KIRREL3: variants seen among roughly 807,000 people sequenced by gnomAD.
The protein encoded by KIRREL3 is kin of IRRE-like protein 3.
Under a neutral mutation model 89.7 loss-of-function variants are expected in KIRREL3, and 36 were observed. The ratio of observed to expected loss-of-function variants is 0.40; its 90% CI spans 0.31 to 0.53. The LOEUF is 0.53. KIRREL3 is among the 20% of genes least tolerant of loss of function. The pLI is 0.49. For missense variants in KIRREL3, 864 were observed against 1,056.6 expected, an observed-to-expected ratio of 0.82 and a Z score of 2.53; for synonymous variants, 445 against 441.4, an observed-to-expected ratio of 1.01 and a Z score of -0.10.
At position 126,530,774 on chromosome 11, in the gene KIRREL3, TC is replaced by T. The variant is rs1958917947; in HGVS notation, c.134-4088del. Among the ~76,000 whole-genome samples the T allele has an allele frequency of 6.6e-6, 1 of 152,106 alleles. No individual in the cohort carries two copies. The highest frequency in any genetic ancestry group is 2.1e-4 in the South Asian group (1 of 4,822). On this transcript the variant is annotated intron_variant, in intron 2 of 16. Coordinates refer to ENST00000525144, the MANE Select transcript of KIRREL3 (RefSeq NM_032531.4). The surrounding 1 kb of genome is among the most constrained non-coding windows in gnomAD (Gnocchi z 5.8). ...CGCTTCGCATTTTCCCTGATGATGTTCCCCTGGTGTGAAGCCTTGGCGGCCG... is the reference window on the plus strand; with the variant it reads ...CGCTTCGCATTTTCCCTGATGATGTTCCCTGGTGTGAAGCCTTGGCGGCCG...
intron 1 of KIRREL3, among the ~76,000 whole-genome samples, chr11:126,871,515 C>T (rs1395642063): frequency 6.6e-6 from 1 of 152,184 alleles, no homozygotes; most frequent in Non-Finnish European, 1.5e-5. Flanking sequence ...TATCCAAGAG[C>T]AGGTATGAGG....
chr11:126,670,655 C>T (rs1945896647), intron 1 of KIRREL3, among the ~76,000 whole-genome samples: 2 of 152,276 alleles, frequency 1.3e-5, no homozygotes, highest in Non-Finnish European at 2.9e-5. Flanking sequence ...AAGTTGGAAT[C>T]GTGGTAAGCT....
chr11:126,914,044 G>A (rs1462777572), intron 1 of KIRREL3, among the ~76,000 whole-genome samples: 1 of 152,182 alleles, frequency 6.6e-6, no homozygotes, highest in East Asian at 1.9e-4. Context: ...TTGGCTTTGT[G>A]ACTTTCTTTG....
rs1389642659 is a variant in KIRREL3, at chr11:126,677,465, C to T, written c.56-114553G>A. On this transcript the variant is annotated intron_variant, in intron 1 of 16. Transcript: ENST00000525144. This position sits in a 1 kb window ranked among gnomAD's most constrained non-coding sequence, Gnocchi z 5.1. The stretch of plus-strand genomic sequence containing the variant: ...ATCTATTATCTCCTCTAATTCTCAC[C>T]ACCTCTTTGGAAAGCCAGCCTTATC... 6.6e-6 allele frequency among the ~76,000 whole-genome samples: 1 copy of T among 152,110 alleles called. No individual in the cohort carries two copies. The highest frequency in any genetic ancestry group is 1.5e-5 in the Non-Finnish European group (1 of 68,030).
intron 1 of KIRREL3, among the ~76,000 whole-genome samples, chr11:126,646,909 G>A (rs1165281320): frequency 6.6e-6 from 1 of 152,046 alleles, no homozygotes; most frequent in East Asian, 1.9e-4. Flanking sequence ...TTCCCCACAA[G>A]CCAATGTGGT....
intron 1 of KIRREL3, among the ~76,000 whole-genome samples, chr11:126,926,692 C>A (rs1345289732): frequency 6.6e-6 from 1 of 152,222 alleles, no homozygotes; most frequent in African/African-American, 2.4e-5. Context: ...CTCCTATGAG[C>A]ATTTCCCCCC....
At position 126,643,488 on chromosome 11, in the gene KIRREL3, G is replaced by T. The variant is rs567059526; in HGVS notation, c.56-80576C>A. Among the ~76,000 whole-genome samples the T allele has an allele frequency of 1.3e-5, 2 of 152,120 alleles. No homozygotes were observed. The highest frequency in any genetic ancestry group is 4.8e-5 in the African/African-American group (2 of 41,412). ...TGAGTATTGAAGTGGAAAAGAGGAG[G>T]TCATGGTTCAGGGAAAGGTGACTAG... On this transcript the variant is annotated intron_variant, in intron 1 of 16. Coordinates refer to ENST00000525144, the MANE Select transcript of KIRREL3 (RefSeq NM_032531.4). The surrounding 1 kb of genome is among the most constrained non-coding windows in gnomAD (Gnocchi z 4.5).
chr11:126,657,500 C>A (rs940264493), intron 1 of KIRREL3, among the ~76,000 whole-genome samples: 2 of 152,158 alleles, frequency 1.3e-5, no homozygotes, highest in African/African-American at 4.8e-5. Flanking sequence ...CTGGAGGAAC[C>A]AAGGCCAGAG....
At chr11:126,759,072 A>G (rs1173214016) in intron 1 of KIRREL3, among the ~76,000 whole-genome samples, 3 of 152,198 alleles carry the variant, frequency 2.0e-5, no homozygotes, top group African/African-American at 7.2e-5. Context: ...CCTTCTGCAT[A>G]CAGGAAGAAA....
intron 1 of KIRREL3, chr11:126,944,540 C>G (rs1353189155): frequency 1.3e-5 from 2 of 152,234 alleles, no homozygotes; most frequent in Non-Finnish European, 2.9e-5. Flanking sequence ...AGAAGAGGCA[C>G]AGCTCAACGC....
chr11:126,799,326 ATC>A (rs201337293), intron 1 of KIRREL3, among the ~76,000 whole-genome samples: 2 of 88,076 alleles, frequency 2.3e-5, no homozygotes, highest in Non-Finnish European at 4.5e-5. Flanking sequence ...ACCTATGTGT[ATC>A]TGTGTGTGTG....
chr11:126,938,711 G>C (rs1592415372), intron 1 of KIRREL3, among the ~76,000 whole-genome samples: 1 of 152,188 alleles, frequency 6.6e-6, no homozygotes, highest in African/African-American at 2.4e-5. Flanking sequence ...GTAACATAAA[G>C]AAAGTTTCTA....
chr11:126,932,224 T>G (rs765036509), intron 1 of KIRREL3, among the ~76,000 whole-genome samples: 86 of 152,326 alleles, frequency 5.6e-4, no homozygotes, highest in Admixed American at 1.7e-3. Flanking sequence ...AAAGGAGCAG[T>G]GTGGCTTCCT....
intron 1 of KIRREL3, among the ~76,000 whole-genome samples, chr11:126,699,952 G>A (rs930436152): frequency 6.6e-6 from 1 of 152,148 alleles, no homozygotes; most frequent in Non-Finnish European, 1.5e-5. Context: ...CCAACACTTT[G>A]GGAGGCTGAG....
At chr11:126,497,507 A>G (rs975229052) in intron 4 of KIRREL3, among the ~76,000 whole-genome samples, 2 of 152,244 alleles carry the variant, frequency 1.3e-5, no homozygotes, top group African/African-American at 4.8e-5. Flanking sequence ...GCAGGGCCAC[A>G]ACGCACTCTT....
Position 126,449,067 on chromosome 11 carries a change from G to C in KIRREL3, c.939C>G (p.Ser313=). 6.2e-7 allele frequency: 1 copy of C among 1,613,984 alleles called. No homozygotes were observed. The highest frequency in any genetic ancestry group is 8.5e-7 in the Non-Finnish European group (1 of 1,179,868). The change falls in exon 8 of 17, where the codon TCC becomes TCG. Residue 313 remains serine (S), a synonymous_variant. Transcript: ENST00000525144. ...TGCCCAGGGCGTTGGTCACCTCACA[G>C]GAGACGGGCTCTGAGAAGTACGTGT... is the stretch of plus-strand genomic sequence containing the variant. ...VDYTYFSEPV[S]CEVTNALGST... is the part of the protein sequence containing the mutation.
At position 126,579,200 on chromosome 11, in the gene KIRREL3, C is replaced by T. The variant is rs145346824; in HGVS notation, c.56-16288G>A. On this transcript the variant is annotated intron_variant, in intron 1 of 16. Transcript: ENST00000525144. This position sits in a 1 kb window ranked among gnomAD's most constrained non-coding sequence, Gnocchi z 5.3. ...TCGTCTAAAACAGATGACGCTGGTG[C>T]GGGCCCCAGGGAGTTCCACCAAGAG... 9.9e-5 allele frequency among the ~76,000 whole-genome samples: 15 copies of T among 152,218 alleles called. No individual in the cohort carries two copies. The highest frequency in any genetic ancestry group is 5.8e-4 in the East Asian group (3 of 5,178).
chr11:126,550,204 TCA>T lies in KIRREL3; in HGVS notation c.133+12629_133+12630del, dbSNP rs1039093231. The T allele has an allele frequency of 1.3e-5, 2 of 152,236 alleles. No individual in the cohort carries two copies. The highest frequency in any genetic ancestry group is 4.8e-5 in the African/African-American group (2 of 41,448). The allele number at this position is 152,236 out of a possible 1,614,324, so 9.4% of individuals were successfully genotyped here. On this transcript the variant is annotated intron_variant, in intron 2 of 16. Coordinates refer to ENST00000525144, the MANE Select transcript of KIRREL3 (RefSeq NM_032531.4). The surrounding 1 kb of genome is among the most constrained non-coding windows in gnomAD (Gnocchi z 4.9). ...TGAATAAATGAGCATTCCGCCGTGT[TCA>T]CAGTCTTTACACACACTGGTACTTG...
At chr11:126,450,410 C>CTG (rs1956007983) in intron 7 of KIRREL3, among the ~76,000 whole-genome samples, 1 of 142,096 alleles carries the variant, frequency 7.0e-6, no homozygotes, top group African/African-American at 2.7e-5. Context: ...TGAGTGTGTG[C>CTG]ATGTGTGAGT....
Sources: gnomAD v4.1 joint callset for allele counts (sites outside exome capture counted in the v4.1 genomes callset) on GRCh38, gnomAD v4.1.1 for gene constraint, Gnocchi (gnomAD v3.1) non-coding constraint, MANE v1.5 for transcripts, NCBI Gene and HGNC (gene_info 2026-07-23, HGNC 2026-07-21) for gene names.